Variants in ZNF804A observed in about 807,000 individuals in gnomAD.
ZNF804A encodes zinc finger protein 804A.
In ZNF804A, 2 loss-of-function variants were observed where a neutral mutation model predicts 16.5. The ratio of observed to expected loss-of-function variants is 0.12; its 90% confidence interval spans 0.05 to 0.38. The LOEUF (loss-of-function observed/expected upper bound fraction) is 0.38. Ranked by LOEUF, ZNF804A falls within the 10% of genes least tolerant of loss-of-function variation. The pLI is 0.99. For synonymous variants in ZNF804A, 534 were observed against 489.6 expected (o/e 1.09, Z -1.20); for missense variants, 1,473 against 1,390.7 (o/e 1.06, Z -0.94).
intron 1 of ZNF804A, among the ~76,000 whole-genome samples, chr2:184,614,209 G>A (rs1227605355): frequency 6.6e-6 from 1 of 152,158 alleles, no homozygotes; most frequent in East Asian, 1.9e-4. Flanking sequence ...TAATAAAGGT[G>A]TTGGGAAAAC....
chr2:184,863,509 A>T (rs184050487), intron 1 of ZNF804A, among the ~76,000 whole-genome samples: 92 of 152,202 alleles, frequency 6.0e-4, no homozygotes, highest in Admixed American at 3.2e-3. Context: ...TAGACTGGGT[A>T]AACAGAAACC....
At chr2:184,895,476 A>G (rs1685050198) in intron 2 of ZNF804A, among the ~76,000 whole-genome samples, 1 of 152,068 alleles carries the variant, frequency 6.6e-6, no homozygotes, top group African/African-American at 2.4e-5. Context: ...CAGAGAGAAC[A>G]CACACACACA....
intron 1 of ZNF804A, among the ~76,000 whole-genome samples, chr2:184,792,854 G>C (rs192802286): frequency 6.6e-6 from 1 of 152,072 alleles, no homozygotes; most frequent in Admixed American, 6.6e-5. Flanking sequence ...GCTGAGGTTT[G>C]TAGTATGGAT....
chr2:184,806,395 T>A, intron 1 of ZNF804A, among the ~76,000 whole-genome samples: 1 of 151,948 alleles, frequency 6.6e-6, no homozygotes, highest in East Asian at 1.9e-4. Flanking sequence ...TGTGTGTTTA[T>A]TTAATTTGGA....
rs780598334 is a variant in ZNF804A, at chr2:184,936,642, A to C, written c.1246A>C (p.Asn416His). 4.3e-6 allele frequency: 7 copies of C among 1,613,940 alleles called. No homozygotes were observed. Among genetic ancestry groups the C allele is most frequent in the Non-Finnish European group, 5.9e-6 (7 of 1,179,960 alleles). The change falls in exon 4 of 4, where the codon AAT becomes CAT. Residue 416 changes from asparagine to histidine, a missense_variant. By Grantham distance (68) the Asn-to-His change is moderately conservative (BLOSUM62 1). Transcript: ENST00000302277. Reference sequence around the variant, plus strand: ...TAACATAACTATACATAAGAAAACAAATTTCTGCAAAAGACAATGTGAGCC... The same window carrying C: ...TAACATAACTATACATAAGAAAACACATTTCTGCAAAAGACAATGTGAGCC... ...EVNITIHKKTNFCKRQCEPFV... is the reference protein window; with the variant it reads ...EVNITIHKKTHFCKRQCEPFV...
intron 1 of ZNF804A, among the ~76,000 whole-genome samples, chr2:184,755,791 A>T (rs1159131829): frequency 6.6e-6 from 1 of 152,012 alleles, no homozygotes; most frequent in East Asian, 1.9e-4. Context: ...CTTCAAATGC[A>T]TCCCTGATTA....
At chr2:184,829,899 C>CAAAA (rs1244566222) in intron 1 of ZNF804A, among the ~76,000 whole-genome samples, 49 of 38,738 alleles carry the variant, frequency 1.3e-3, no homozygotes, top group Admixed American at 1.9e-3. Flanking sequence ...CTGTCTCTAC[C>CAAAA]AAAAAAAAAA....
rs374800345 is a variant in ZNF804A at position 184,773,990 on chromosome 2, G to A, written c.112-92379G>A. Among the ~76,000 whole-genome samples, 6 of 151,898 alleles carry A rather than the reference G, an allele frequency of 4.0e-5. No homozygotes were observed. In the East Asian group the frequency reaches 7.8e-4, roughly 20 times the overall value. On this transcript the variant is annotated intron_variant, in intron 1 of 3. Coordinates refer to ENST00000302277, the MANE Select transcript of ZNF804A (RefSeq NM_194250.2). ...TTCATCTGCACATTGGGTTTGAATCGAGAGCTGTGTCAGTAAAAATTAGAA... is the reference window on the plus strand; with the variant it reads ...TTCATCTGCACATTGGGTTTGAATCAAGAGCTGTGTCAGTAAAAATTAGAA...
chr2:184,672,831 TC>T (rs1214577166), intron 1 of ZNF804A, among the ~76,000 whole-genome samples: 1 of 152,140 alleles, frequency 6.6e-6, no homozygotes, highest in East Asian at 1.9e-4. Context: ...AACCTCTGCC[TC>T]CCAGGTTCAA....
intron 2 of ZNF804A, among the ~76,000 whole-genome samples, chr2:184,904,949 T>C (rs907973013): frequency 6.2e-4 from 94 of 152,262 alleles, no homozygotes; most frequent in African/African-American, 2.2e-3. Flanking sequence ...GCCTGCAATT[T>C]AAATTTTTCA....
chr2:184,722,787 C>T (rs1280766079), intron 1 of ZNF804A, among the ~76,000 whole-genome samples: 1 of 151,918 alleles, frequency 6.6e-6, no homozygotes, highest in Non-Finnish European at 1.5e-5. Flanking sequence ...CCTTGAAATG[C>T]ATTATTCAAA....
At chr2:184,721,727 A>G (rs749898238) in intron 1 of ZNF804A, among the ~76,000 whole-genome samples, 30 of 152,144 alleles carry the variant, frequency 2.0e-4, no homozygotes, top group Admixed American at 4.6e-4. Flanking sequence ...CGACCCAGCA[A>G]TCTCACTAGT....
At chr2:184,934,039 T>G (rs72893100) in intron 3 of ZNF804A, among the ~76,000 whole-genome samples, 18,426 of 152,138 alleles carry the variant, frequency 0.12, 1,712 homozygotes, top group African/African-American at 0.26. Flanking sequence ...CTCAAACATT[T>G]GATTGAGGAA....
intron 1 of ZNF804A, among the ~76,000 whole-genome samples, chr2:184,711,878 A>G (rs1240239668): frequency 1.3e-5 from 2 of 151,698 alleles, no homozygotes; most frequent in South Asian, 2.1e-4. Context: ...TTTGATTACT[A>G]TAGCATTGTA....
rs73980321 is a variant in ZNF804A at position 184,792,112 on chromosome 2, G to A, written c.112-74257G>A. On this transcript the variant is annotated intron_variant, in intron 1 of 3. Transcript: ENST00000302277. ...CCAAGTTTTGGCAATTATGAATAAAGCCACTATAAACATTTGGGTGCAAGC... is the reference window on the plus strand; with the variant it reads ...CCAAGTTTTGGCAATTATGAATAAAACCACTATAAACATTTGGGTGCAAGC... Among the ~76,000 whole-genome samples the A allele has an allele frequency of 3.9e-5, 6 of 152,164 alleles. No homozygotes were observed. In the East Asian group the frequency reaches 1.2e-3, roughly 29 times the overall value.
At chr2:184,804,023 T>A (rs1389933606) in intron 1 of ZNF804A, among the ~76,000 whole-genome samples, 1 of 152,042 alleles carries the variant, frequency 6.6e-6, no homozygotes, top group Admixed American at 6.6e-5. Flanking sequence ...CCAACATGCC[T>A]GGCTAATTTT....
intron 1 of ZNF804A, among the ~76,000 whole-genome samples, chr2:184,668,844 C>A (rs1187047683): frequency 6.6e-6 from 1 of 151,906 alleles, no homozygotes; most frequent in Non-Finnish European, 1.5e-5. Context: ...GAATTTAATT[C>A]ATTAATGTTG....
intron 1 of ZNF804A, among the ~76,000 whole-genome samples, chr2:184,617,017 TCCACTCCTTAC>T (rs1691332504): frequency 6.6e-6 from 1 of 152,068 alleles, no homozygotes; most frequent in South Asian, 2.1e-4. Context: ...TTCTCTTCTC[TCCACTCCTTAC>T]CCTCCCATCA....
chr2:184,753,783 C>A (rs1693912911), intron 1 of ZNF804A, among the ~76,000 whole-genome samples: 1 of 151,762 alleles, frequency 6.6e-6, no homozygotes, highest in Non-Finnish European at 1.5e-5. Context: ...TCACAGGAGC[C>A]TTCATGAAGG....
Sources: gnomAD v4.1 joint callset for allele counts (sites outside exome capture counted in the v4.1 genomes callset) on GRCh38, gnomAD v4.1.1 for gene constraint, MANE v1.5 for transcripts, NCBI Gene and HGNC (gene_info 2026-07-23, HGNC 2026-07-21) for gene names.